RGS6: variants seen among roughly 807,000 people sequenced by gnomAD.
RGS6 encodes regulator of G protein signaling 6.
RGS6 carries 30 observed loss-of-function variants against 78.5 expected under a neutral mutation model. That is an observed-to-expected ratio of 0.38 (90% CI 0.29 to 0.52). The LOEUF is 0.52. Among genes scored for constraint, RGS6 ranks in the 20% least tolerant of loss-of-function variants. The pLI is 0.85. For synonymous variants in RGS6, 206 were observed against 206.0 expected, an observed-to-expected ratio of 1.00 and a Z score of 0.00; for missense variants, 495 against 609.7, an observed-to-expected ratio of 0.81 and a Z score of 1.98.
intron 2 of RGS6, among the ~76,000 whole-genome samples, chr14:72,215,615 T>A (rs1298400065): frequency 6.6e-6 from 1 of 152,150 alleles, no homozygotes; most frequent in Non-Finnish European, 1.5e-5. Context: ...TTTGTCCTGA[T>A]TGGCTAGCAA....
chr14:72,201,821 G>C (rs962976325), intron 2 of RGS6, among the ~76,000 whole-genome samples: 6 of 152,198 alleles, frequency 3.9e-5, no homozygotes, highest in Admixed American at 1.3e-4. Flanking sequence ...ATCTGTGGCT[G>C]CTTTCAAGCT....
intron 3 of RGS6, among the ~76,000 whole-genome samples, chr14:72,423,630 T>C (rs2094304867): frequency 7.9e-6 from 1 of 126,014 alleles, no homozygotes; most frequent in South Asian, 2.4e-4. Context: ...TGGGTCCTCA[T>C]GGACACGAAG....
intron 10 of RGS6, among the ~76,000 whole-genome samples, chr14:72,476,360 G>T (rs972780681): frequency 6.6e-6 from 1 of 152,184 alleles, no homozygotes; most frequent in Non-Finnish European, 1.5e-5. Context: ...TGATAAAAGT[G>T]CAGATTTCCA....
At chr14:72,296,798 T>C (rs1044492308) in intron 2 of RGS6, among the ~76,000 whole-genome samples, 1 of 152,202 alleles carries the variant, frequency 6.6e-6, no homozygotes, top group Non-Finnish European at 1.5e-5. Flanking sequence ...GTTAAATTTA[T>C]GGATATTTTT....
At chr14:72,109,868 G>A (rs928223400) in intron 2 of RGS6, among the ~76,000 whole-genome samples, 23 of 152,138 alleles carry the variant, frequency 1.5e-4, no homozygotes, top group Non-Finnish European at 2.9e-5. Context: ...AGAGGGAAGT[G>A]ACTTTCCCAA....
chr14:72,589,076 GACTGCTGAAC>G, the RGS6 span, among the ~76,000 whole-genome samples: 1 of 152,172 alleles, frequency 6.6e-6, no homozygotes, highest in South Asian at 2.1e-4. Context: ...GAAAATAAAT[GACTGCTGAAC>G]ACTTGGAAGG....
intron 2 of RGS6, among the ~76,000 whole-genome samples, chr14:72,152,159 G>T (rs755198376): frequency 2.0e-5 from 3 of 151,940 alleles, no homozygotes; most frequent in Non-Finnish European, 4.4e-5. Flanking sequence ...GTTGGATCAG[G>T]CTGCTTGCTA....
At chr14:71,953,458 G>C (rs533230251) in intron 1 of RGS6, among the ~76,000 whole-genome samples, 1 of 151,952 alleles carries the variant, frequency 6.6e-6, no homozygotes, top group Admixed American at 6.5e-5. Context: ...CAATTTTCAT[G>C]TGTCATAAAA....
At chr14:72,055,511 C>A (rs1346423847) in intron 2 of RGS6, among the ~76,000 whole-genome samples, 1 of 152,160 alleles carries the variant, frequency 6.6e-6, no homozygotes, top group African/African-American at 2.4e-5. Flanking sequence ...AGTTGACATT[C>A]TTTTCTCACC....
At chr14:71,998,704 G>T (rs2082834398) in intron 2 of RGS6, among the ~76,000 whole-genome samples, 1 of 152,192 alleles carries the variant, frequency 6.6e-6, no homozygotes. Flanking sequence ...ATCCACTTCA[G>T]TCCTGAATCT....
chr14:71,929,913 T>G (rs947207347), upstream of RGS6, among the ~76,000 whole-genome samples: 1 of 152,232 alleles, frequency 6.6e-6, no homozygotes, highest in Non-Finnish European at 1.5e-5. Flanking sequence ...TCAAGCTGAC[T>G]TCTGTCTTCT....
chr14:72,086,021 C>G (rs1447281433), intron 2 of RGS6, among the ~76,000 whole-genome samples: 1 of 151,938 alleles, frequency 6.6e-6, no homozygotes, highest in Non-Finnish European at 1.5e-5. Flanking sequence ...CCTCTTCTTG[C>G]TTAGGATGCC....
chr14:72,007,850 G>GT (rs2084884679), intron 2 of RGS6, among the ~76,000 whole-genome samples: 1 of 152,172 alleles, frequency 6.6e-6, no homozygotes, highest in Non-Finnish European at 1.5e-5. Context: ...GACCCATGGA[G>GT]TTGAAAGGGG....
chr14:72,568,580 G>A (rs1675049526), downstream of RGS6, among the ~76,000 whole-genome samples: 1 of 152,190 alleles, frequency 6.6e-6, no homozygotes, highest in African/African-American at 2.4e-5. Flanking sequence ...TGTCACTTGG[G>A]TGGCCTCCAT....
At chr14:72,042,295 T>C (rs1475641830) in intron 2 of RGS6, among the ~76,000 whole-genome samples, 1 of 151,796 alleles carries the variant, frequency 6.6e-6, no homozygotes, top group South Asian at 2.1e-4. Context: ...GCCTGGCTAA[T>C]TTTTTGTATT....
intron 2 of RGS6, among the ~76,000 whole-genome samples, chr14:72,263,490 T>C (rs907137209): frequency 1.4e-4 from 20 of 144,918 alleles, no homozygotes; most frequent in African/African-American, 4.9e-4. Flanking sequence ...CTCTTATGCA[T>C]ACCTATTGTT....
chr14:72,595,876 C>T, the RGS6 span, among the ~76,000 whole-genome samples: 46 of 152,322 alleles, frequency 3.0e-4, no homozygotes, highest in African/African-American at 9.6e-4. Context: ...GCTTAAATCA[C>T]GTACCTCCAC....
intron 3 of RGS6, among the ~76,000 whole-genome samples, chr14:72,353,431 C>T (rs1452262174): frequency 6.6e-6 from 1 of 152,162 alleles, no homozygotes; most frequent in Non-Finnish European, 1.5e-5. Context: ...TTGGATTAAT[C>T]TCTAGGTCAT....
intron 2 of RGS6, among the ~76,000 whole-genome samples, chr14:72,334,213 C>T (rs1282634313): frequency 2.6e-5 from 4 of 152,260 alleles, no homozygotes; most frequent in Non-Finnish European, 5.9e-5. Flanking sequence ...CCCCATAAGG[C>T]TCAGTGCTGC....
Sources: gnomAD v4.1 joint callset for allele counts (sites outside exome capture counted in the v4.1 genomes callset) on GRCh38, gnomAD v4.1.1 for gene constraint, MANE v1.5 for transcripts, NCBI Gene and HGNC (gene_info 2026-07-23, HGNC 2026-07-21) for gene names.